The following RGS3 variants were observed in gnomAD, a reference collection of about 807,000 sequenced individuals.
RGS3 encodes the protein regulator of G protein signaling 3.
Under a neutral mutation model 132.6 loss-of-function variants are expected in RGS3, and 80 were observed. That is an observed-to-expected ratio of 0.60 (90% CI 0.50 to 0.73). The LOEUF (loss-of-function observed/expected upper bound fraction) is 0.73, where lower values mean the gene tolerates loss of function less well. Ranked by LOEUF, RGS3 falls within the 30% of genes least tolerant of loss-of-function variation. The pLI is 0.00. For synonymous variants in RGS3, 598 were observed against 620.6 expected (o/e 0.96, Z 0.54); for missense variants, 1,382 against 1,530.8 (o/e 0.90, Z 1.62).
In RGS3 at chr9:113,536,779, A is replaced by T; in HGVS notation, c.1915-17A>T. The T allele has an allele frequency of 6.2e-7, 1 of 1,611,870 alleles. No individual in the cohort carries two copies. The highest frequency in any genetic ancestry group is 1.1e-5 in the South Asian group (1 of 90,992). On this transcript the variant is annotated splice_polypyrimidine_tract_variant and intron_variant, in intron 18 of 24. Coordinates refer to ENST00000350696, the Ensembl canonical transcript of RGS3. ...AGCAGCCCTGACCGTCCGTTTCTCT[A>T]TTTTCCCTGACGTCAGAAGGCAGAG... is the stretch of plus-strand genomic sequence containing the variant.
chr9:113,536,604 T>C, intron 18 of RGS3, 192 bp from the exon 17 acceptor site: 1 of 1,426,744 alleles, frequency 7.0e-7, no homozygotes. Flanking sequence ...AGCTGGCCCT[T>C]GAACCCACTT....
At chr9:113,517,871 C>G (rs542938535) in intron 16 of RGS3, among the ~76,000 whole-genome samples, 2 of 152,140 alleles carry the variant, frequency 1.3e-5, no homozygotes, top group Non-Finnish European at 2.9e-5. Context: ...CTAAAGACAC[C>G]CCATTGTTTA....
chr9:113,537,958 C>T lies in RGS3; in HGVS notation c.2037+1040C>T, dbSNP rs1002708553. Among the ~76,000 whole-genome samples, 1 of 152,194 alleles carries T rather than the reference C, an allele frequency of 6.6e-6. No individual in the cohort carries two copies. Among genetic ancestry groups the T allele is most frequent in the Admixed American group, 6.5e-5 (1 of 15,290 alleles). On this transcript the variant is annotated intron_variant, in intron 19 of 24. Transcript: ENST00000350696. This position sits in a 1 kb window ranked among gnomAD's most constrained non-coding sequence, Gnocchi z 4.3. ...TAGCTGTGAACGTTCTCTTGTTTTA[C>T]ACTAGCTAGTGGCAAGAATAACTTG...
At chr9:113,473,916 T>G (rs1378819432) in intron 3 of RGS3, among the ~76,000 whole-genome samples, 1 of 152,170 alleles carries the variant, frequency 6.6e-6, no homozygotes, top group Non-Finnish European at 1.5e-5. Context: ...GTGTGAATCC[T>G]GTAGGATGTT....
chr9:113,461,504 G>A (rs1455628926), intron 1 of RGS3, among the ~76,000 whole-genome samples: 1 of 152,200 alleles, frequency 6.6e-6, no homozygotes, highest in Admixed American at 6.5e-5. Context: ...ACGCTACTGA[G>A]TAAAGGAGCC....
At chr9:113,499,272 A>T (rs1830790259) in intron 10 of RGS3, among the ~76,000 whole-genome samples, 1 of 151,024 alleles carries the variant, frequency 6.6e-6, no homozygotes, top group African/African-American at 2.4e-5. Flanking sequence ...CCAGCAATTC[A>T]TTAGCCCCTG....
At chr9:113,464,913 C>CT (rs1291417190) in intron 3 of RGS3, among the ~76,000 whole-genome samples, 1 of 152,158 alleles carries the variant, frequency 6.6e-6, no homozygotes, top group Non-Finnish European at 1.5e-5. Flanking sequence ...CCACAACCTG[C>CT]TTTTTTTCCT....
intron 23 of RGS3, 61 bp from the exon 22 acceptor site, chr9:113,595,538 G>T: frequency 6.3e-7 from 1 of 1,574,838 alleles, no homozygotes; most frequent in Middle Eastern, 1.9e-4. Flanking sequence ...GTAAGCTGAG[G>T]CATCTTAAGG....
chr9:113,574,750 T>TAC (rs1303249315), intron 19 of RGS3, among the ~76,000 whole-genome samples: 1 of 152,034 alleles, frequency 6.6e-6, no homozygotes, highest in East Asian at 1.9e-4. Context: ...GAGGTCCCAG[T>TAC]ACACACACAC....
At chr9:113,468,234 G>T (rs1165577196) in intron 3 of RGS3, among the ~76,000 whole-genome samples, 1 of 152,134 alleles carries the variant, frequency 6.6e-6, no homozygotes, top group Non-Finnish European at 1.5e-5. Context: ...TTTGTGTATG[G>T]TATGAGGTAA....
chr9:113,577,097 C>T (rs1406191348), intron 19 of RGS3, among the ~76,000 whole-genome samples: 1 of 152,168 alleles, frequency 6.6e-6, no homozygotes, highest in Non-Finnish European at 1.5e-5. Context: ...AATTCTCCTG[C>T]CTCAGACTCC....
At chr9:113,587,790 G>A (rs1420985074) in intron 20 of RGS3, among the ~76,000 whole-genome samples, 1 of 152,172 alleles carries the variant, frequency 6.6e-6, no homozygotes, top group Non-Finnish European at 1.5e-5. Context: ...GGCTGACTGA[G>A]TCCAGAGAGG....
chr9:113,510,534 G>T (rs1394870360), intron 14 of RGS3, among the ~76,000 whole-genome samples: 1 of 152,174 alleles, frequency 6.6e-6, no homozygotes, highest in Non-Finnish European at 1.5e-5. Context: ...CGTGGAGGAG[G>T]GGGGCTGGAG....
At chr9:113,574,135 T>C (rs1834407956) in intron 19 of RGS3, among the ~76,000 whole-genome samples, 1 of 152,222 alleles carries the variant, frequency 6.6e-6, no homozygotes, top group Admixed American at 6.5e-5. Context: ...TCTCTCTCTC[T>C]CCCCTATCTT....
In RGS3 at chr9:113,507,560, C is replaced by G. The variant is rs540319656; in HGVS notation, c.1359C>G (p.Thr453=). The change falls in exon 13 of 25, where the codon ACC becomes ACG. Residue 453 remains threonine, a synonymous_variant. Coordinates refer to ENST00000350696, the Ensembl canonical transcript of RGS3. The surrounding 1 kb of genome is among the most constrained non-coding windows in gnomAD (Gnocchi z 5.0). ...TGGCCAAGCGCGGGGGCCAGCACAC[C>G]CTGCCTGCACTGTCCCGTGCCACTG... 2 of 1,572,822 alleles carry G rather than the reference C, an allele frequency of 1.3e-6. No homozygotes were observed. The highest frequency in any genetic ancestry group is 1.2e-5 in the South Asian group (1 of 85,102).
chr9:113,569,806 G>A (rs1054912668), intron 19 of RGS3, among the ~76,000 whole-genome samples: 2 of 152,118 alleles, frequency 1.3e-5, no homozygotes, highest in African/African-American at 4.8e-5. Context: ...GGGGAGGGGG[G>A]TGCTGTGGGA....
At chr9:113,519,545 G>A (rs1055657012) in intron 16 of RGS3, among the ~76,000 whole-genome samples, 3 of 150,892 alleles carry the variant, frequency 2.0e-5, no homozygotes, top group African/African-American at 7.3e-5. Context: ...AAAGGGATTT[G>A]GATAAATTCA....
In RGS3 at chr9:113,497,407, A is replaced by G. The variant is rs1380793651; in HGVS notation, c.841+3A>G. 3 of 1,611,830 alleles carry G rather than the reference A, an allele frequency of 1.9e-6. No individual in the cohort carries two copies. The highest frequency in any genetic ancestry group is 2.5e-6 in the Non-Finnish European group (3 of 1,179,150). ...GCGGCGACTGCGGCCGCTGAGAGGT[A>G]CCTGCACACCCCCTTCAGCTTCCCT... On this transcript the variant is annotated splice_donor_region_variant and intron_variant, in intron 9 of 24. Transcript: ENST00000350696.
At position 113,565,226 on chromosome 9, in the gene RGS3, G is replaced by GCCCAGGA; in HGVS notation, c.2038-18220_2038-18214dup. On this transcript the variant is annotated intron_variant, in intron 19 of 24. Coordinates refer to ENST00000350696, the Ensembl canonical transcript of RGS3. The surrounding 1 kb of genome is among the most constrained non-coding windows in gnomAD (Gnocchi z 5.7). ...GCGGGGTGGGCAGAAGGACGGGCTG[G>GCCCAGGA]CCCAGGACCCTCTTCTTTGAGACAT... is the stretch of plus-strand genomic sequence containing the variant. The GCCCAGGA allele has an allele frequency of 7.8e-7, 1 of 1,279,656 alleles. No individual in the cohort carries two copies. The highest frequency in any genetic ancestry group is 1.3e-5 in the South Asian group (1 of 79,274). The allele number at this position is 1,279,656 out of a possible 1,614,324, so 79.3% of individuals were successfully genotyped here. A position where few individuals can be genotyped will look rare whatever the true frequency, so the allele number is the denominator to read the frequency against.
Sources: allele counts gnomAD v4.1 joint callset (sites outside exome capture counted in the v4.1 genomes callset), GRCh38; gene constraint gnomAD v4.1.1; non-coding constraint Gnocchi (gnomAD v3.1); transcripts MANE v1.5; gene names NCBI Gene and HGNC (gene_info 2026-07-23, HGNC 2026-07-21).